Variants in RBFOX1 observed in about 807,000 individuals in gnomAD.
RBFOX1 encodes RNA binding fox-1 homolog 1.
In RBFOX1, 8 loss-of-function variants were observed where a neutral mutation model predicts 57.7. That is an observed-to-expected ratio of 0.14 (90% confidence interval 0.08 to 0.25). The LOEUF is 0.25. RBFOX1 is among the 10% of genes least tolerant of loss of function. The pLI is 1.00. For synonymous variants in RBFOX1, 326 were observed against 222.4 expected (o/e 1.47, Z -4.15); for missense variants, 611 against 548.5 (o/e 1.11, Z -1.14).
At chr16:6,597,134 C>T (rs1483298776) in intron 2 of RBFOX1, among the ~76,000 whole-genome samples, 1 of 152,148 alleles carries the variant, frequency 6.6e-6, no homozygotes, top group Non-Finnish European at 1.5e-5. Flanking sequence ...AAGGAGTTGA[C>T]ATCTACTGTA....
At chr16:6,810,659 T>C (rs2088284703) in intron 3 of RBFOX1, among the ~76,000 whole-genome samples, 1 of 152,110 alleles carries the variant, frequency 6.6e-6, no homozygotes, top group Non-Finnish European at 1.5e-5. Context: ...ATTGACGCAG[T>C]TCCACATGGC....
intron 3 of RBFOX1, among the ~76,000 whole-genome samples, chr16:6,802,529 T>C (rs1012645064): frequency 6.6e-5 from 10 of 152,176 alleles, no homozygotes; most frequent in Non-Finnish European, 1.3e-4. Flanking sequence ...ATACAAAAGT[T>C]ACTCGGGCAT....
intron 2 of RBFOX1, among the ~76,000 whole-genome samples, chr16:6,451,514 C>T (rs762327525): frequency 6.6e-6 from 1 of 152,186 alleles, no homozygotes; most frequent in Non-Finnish European, 1.5e-5. Flanking sequence ...CACCTGTCAG[C>T]CTCCTGGGCG....
At chr16:5,931,674 T>C (rs1423841381) in intron 4 of RBFOX1, among the ~76,000 whole-genome samples, 1 of 152,178 alleles carries the variant, frequency 6.6e-6, no homozygotes, top group African/African-American at 2.4e-5. Flanking sequence ...TCAAGTTTTG[T>C]GGGTCCTGAA....
At chr16:6,776,278 G>C (rs1006017293) in intron 3 of RBFOX1, among the ~76,000 whole-genome samples, 1 of 152,036 alleles carries the variant, frequency 6.6e-6, no homozygotes, top group Non-Finnish European at 1.5e-5. Flanking sequence ...GGGCGTGGTG[G>C]CGGGTGCCTG....
intron 3 of RBFOX1, among the ~76,000 whole-genome samples, chr16:5,695,440 C>G (rs945211458): frequency 4.6e-5 from 7 of 152,124 alleles, no homozygotes; most frequent in African/African-American, 1.7e-4. Context: ...TTTTGTAGGT[C>G]CTAATTAAAT....
chr16:5,617,457 C>T (rs542363798), intron 3 of RBFOX1, among the ~76,000 whole-genome samples: 228 of 152,316 alleles, frequency 1.5e-3, no homozygotes, highest in Middle Eastern at 3.4e-3. Flanking sequence ...TTTCTGTCTG[C>T]CTGGGACTCT....
At chr16:7,487,151 C>A (rs529093805) in intron 4 of RBFOX1, among the ~76,000 whole-genome samples, 1 of 152,252 alleles carries the variant, frequency 6.6e-6, no homozygotes, top group South Asian at 2.1e-4. Flanking sequence ...TTACCCGCCT[C>A]GGCCTCCAAA....
intron 13 of RBFOX1, among the ~76,000 whole-genome samples, chr16:7,668,335 T>A (rs1158832775): frequency 4.6e-5 from 7 of 152,144 alleles, no homozygotes; most frequent in African/African-American, 1.7e-4. Context: ...CTTCTGAAAG[T>A]TTTCAGAGGA....
intron 1 of RBFOX1, among the ~76,000 whole-genome samples, chr16:6,022,651 C>G (rs1034751843): frequency 4.6e-5 from 7 of 152,138 alleles, no homozygotes; most frequent in Non-Finnish European, 7.3e-5. Flanking sequence ...CCACTGCACT[C>G]CAGCCTGGGT....
At chr16:7,615,343 T>A (rs371178086) in intron 10 of RBFOX1, among the ~76,000 whole-genome samples, 4 of 104,880 alleles carry the variant, frequency 3.8e-5, no homozygotes, top group African/African-American at 1.4e-4. Context: ...AAAATAATAA[T>A]AATAATAATA....
At chr16:7,587,812 A>C (rs994627115) in intron 7 of RBFOX1, among the ~76,000 whole-genome samples, 4 of 152,202 alleles carry the variant, frequency 2.6e-5, no homozygotes, top group Non-Finnish European at 5.9e-5. Context: ...AAGGAAACCA[A>C]TTTTTAAATA....
At chr16:5,910,265 C>G (rs1597749649) in intron 4 of RBFOX1, among the ~76,000 whole-genome samples, 1 of 152,030 alleles carries the variant, frequency 6.6e-6, no homozygotes, top group South Asian at 2.1e-4. Context: ...TCAGGCCAGT[C>G]TCAGGGAGAA....
intron 4 of RBFOX1, among the ~76,000 whole-genome samples, chr16:5,895,221 C>G (rs2058136865): frequency 1.3e-5 from 2 of 152,174 alleles, no homozygotes; most frequent in South Asian, 4.1e-4. Flanking sequence ...TAAGTCTTAA[C>G]TTAGTTGAGG....
Position 6,871,866 on chromosome 16 carries a change from A to T in RBFOX1, c.-15-180191A>T, listed in dbSNP as rs139720914. Among the ~76,000 whole-genome samples the T allele has an allele frequency of 2.5e-3, 381 of 149,850 alleles. 3 individuals are homozygous for T. The highest frequency in any genetic ancestry group is 8.8e-3 in the African/African-American group (357 of 40,444). ...CTATCGTGTCCTAAATCCGCATCTG[A>T]TGGCACTTTGTCACAATCCAGGCTC... On this transcript the variant is annotated intron_variant, in intron 3 of 15. Coordinates refer to ENST00000550418, the MANE Select transcript of RBFOX1 (RefSeq NM_018723.4).
At position 7,062,278 on chromosome 16, in the gene RBFOX1, A is replaced by G. The variant is rs2054562168; in HGVS notation, c.27+10180A>G. Among the ~76,000 whole-genome samples, 3 of 137,236 alleles carry G rather than the reference A, an allele frequency of 2.2e-5. No homozygotes were observed. In the Admixed American group the frequency reaches 2.5e-4, roughly 11 times the overall value. The allele number at this position is 137,236 out of a possible 152,430, so 90.0% of individuals were successfully genotyped here. ...GGTTGCAGTGAGCCGAGATCATGCC[A>G]CTGCACTCCAGTCTGAGAGACAGAG... is the stretch of plus-strand genomic sequence containing the variant. On this transcript the variant is annotated intron_variant, in intron 4 of 15. Transcript: ENST00000550418.
intron 4 of RBFOX1, among the ~76,000 whole-genome samples, chr16:7,495,822 C>T (rs2068446722): frequency 6.6e-6 from 1 of 152,206 alleles, no homozygotes; most frequent in Admixed American, 6.5e-5. Flanking sequence ...TTCATGTAAG[C>T]AAACATCACC....
chr16:7,307,902 G>T (rs1386294506), intron 4 of RBFOX1, among the ~76,000 whole-genome samples: 1 of 152,218 alleles, frequency 6.6e-6, no homozygotes, highest in Non-Finnish European at 1.5e-5. Flanking sequence ...GCTTCATGCT[G>T]TGTCTTCTTT....
At chr16:7,117,401 G>A (rs1468667824) in intron 4 of RBFOX1, among the ~76,000 whole-genome samples, 1 of 152,112 alleles carries the variant, frequency 6.6e-6, no homozygotes, top group African/African-American at 2.4e-5. Context: ...AAGCAACATG[G>A]GGCATGATTA....
Sources: gnomAD v4.1 joint callset for allele counts (sites outside exome capture counted in the v4.1 genomes callset) on GRCh38, gnomAD v4.1.1 for gene constraint, MANE v1.5 for transcripts, NCBI Gene and HGNC (gene_info 2026-07-23, HGNC 2026-07-21) for gene names.